Variants in TPRG1 observed in about 807,000 individuals in gnomAD.
TPRG1 encodes the protein tumor protein p63-regulated gene 1 protein.
A neutral mutation model predicts 29.3 loss-of-function variants in TPRG1; 29 were observed. The ratio of observed to expected loss-of-function variants is 0.99; its 90% CI spans 0.74 to 1.35. TPRG1 has a LOEUF of 1.35. TPRG1 is among the 40% of genes most tolerant of loss of function. The pLI is 0.00. For synonymous variants in TPRG1, 130 were observed against 116.8 expected (o/e 1.11, Z -0.73); for missense variants, 327 against 335.0 (o/e 0.98, Z 0.19).
upstream of TPRG1, among the ~76,000 whole-genome samples, chr3:189,099,929 A>G (rs1194297955): frequency 3.3e-5 from 5 of 152,268 alleles, no homozygotes; most frequent in African/African-American, 9.6e-5. Flanking sequence ...CCAGTGATGG[A>G]CACCTGTCTT....
At chr3:189,101,468 C>T (rs1243614465) in intron 1 of TPRG1, among the ~76,000 whole-genome samples, 3 of 152,144 alleles carry the variant, frequency 2.0e-5, no homozygotes, top group South Asian at 4.1e-4. Flanking sequence ...ACTCACCCCC[C>T]ACTGTCAACC....
intron 1 of TPRG1, among the ~76,000 whole-genome samples, chr3:189,182,447 A>T (rs942042521): frequency 6.6e-6 from 1 of 152,252 alleles, no homozygotes; most frequent in African/African-American, 2.4e-5. Context: ...CAGTTAATTT[A>T]GGATTAAATT....
intron 3 of TPRG1, among the ~76,000 whole-genome samples, chr3:189,221,600 C>A (rs1394629874): frequency 6.6e-6 from 1 of 152,172 alleles, no homozygotes; most frequent in Non-Finnish European, 1.5e-5. Context: ...TAGAAAGATT[C>A]TGCAGAAGAA....
intron 4 of TPRG1, among the ~76,000 whole-genome samples, chr3:189,307,690 C>A (rs1430175289): frequency 2.0e-5 from 3 of 152,248 alleles, no homozygotes; most frequent in African/African-American, 7.2e-5. Context: ...CAGTTCATCC[C>A]TGTCTTGTAG....
At chr3:189,195,396 C>T (rs1732370266) in intron 1 of TPRG1, among the ~76,000 whole-genome samples, 2 of 152,018 alleles carry the variant, frequency 1.3e-5, no homozygotes, top group African/African-American at 2.4e-5. Context: ...CACCTCTGCT[C>T]GACTCAACAG....
intron 3 of TPRG1, among the ~76,000 whole-genome samples, chr3:189,228,462 G>T (rs1578926348): frequency 6.6e-6 from 1 of 152,084 alleles, no homozygotes; most frequent in South Asian, 2.1e-4. Flanking sequence ...ATGCAAGGCA[G>T]GTTCAATTTG....
chr3:189,184,754 GTTC>G (rs1324249830), intron 1 of TPRG1, among the ~76,000 whole-genome samples: 5 of 152,166 alleles, frequency 3.3e-5, no homozygotes, highest in Non-Finnish European at 5.9e-5. Flanking sequence ...TTACCTCTAT[GTTC>G]TTCTTATTCC....
At chr3:189,299,058 T>G (rs1043052372) in intron 4 of TPRG1, among the ~76,000 whole-genome samples, 2 of 110,316 alleles carry the variant, frequency 1.8e-5, no homozygotes, top group African/African-American at 5.2e-5. Context: ...AAAAATGGGT[T>G]TTTTTTTTTT....
chr3:189,144,715 A>G (rs1347128282), intron 3 of TPRG1, among the ~76,000 whole-genome samples: 1 of 135,754 alleles, frequency 7.4e-6, no homozygotes, highest in Non-Finnish European at 1.6e-5. Flanking sequence ...AAGAAAAGAC[A>G]CTGATCACTA....
chr3:189,155,393 T>A (rs1300965779), intron 5 of TPRG1, among the ~76,000 whole-genome samples: 1 of 152,194 alleles, frequency 6.6e-6, no homozygotes, highest in East Asian at 1.9e-4. Context: ...CCCTCTAACA[T>A]GTCTGTGTCC....
At chr3:189,065,901 A>T (rs1716408711) in intron 4 of TPRG1, among the ~76,000 whole-genome samples, 1 of 152,204 alleles carries the variant, frequency 6.6e-6, no homozygotes, top group Non-Finnish European at 1.5e-5. Flanking sequence ...CTTAATAAAA[A>T]TCCCAAGGAA....
chr3:189,044,554 T>C (rs1215946997), intron 4 of TPRG1, among the ~76,000 whole-genome samples: 3 of 139,372 alleles, frequency 2.2e-5, no homozygotes, highest in Admixed American at 7.0e-5. Context: ...AAACTCCGTC[T>C]CAAAAAAAAA....
chr3:189,289,138 T>G (rs966880497), intron 4 of TPRG1, among the ~76,000 whole-genome samples: 1 of 152,222 alleles, frequency 6.6e-6, no homozygotes, highest in African/African-American at 2.4e-5. Flanking sequence ...TGTCTCCACC[T>G]GTATACCCCA....
chr3:189,104,347 C>G (rs1201342944), intron 1 of TPRG1, among the ~76,000 whole-genome samples: 1 of 152,086 alleles, frequency 6.6e-6, no homozygotes, highest in Non-Finnish European at 1.5e-5. Context: ...AATATCCTAG[C>G]ACTCATCTGG....
At chr3:189,109,319 T>A (rs766312061) in intron 1 of TPRG1, among the ~76,000 whole-genome samples, 1 of 152,190 alleles carries the variant, frequency 6.6e-6, no homozygotes, top group African/African-American at 2.4e-5. Flanking sequence ...CGGTGTTAAT[T>A]GACACACAGT....
chr3:189,268,064 AG>A (rs1216262172), intron 4 of TPRG1, among the ~76,000 whole-genome samples: 2 of 152,190 alleles, frequency 1.3e-5, no homozygotes, highest in African/African-American at 2.4e-5. Flanking sequence ...AATGGAGGGA[AG>A]TCACTTGGAT....
intron 4 of TPRG1, among the ~76,000 whole-genome samples, chr3:189,042,062 TAAAC>T (rs1714665875): frequency 6.6e-6 from 1 of 152,152 alleles, no homozygotes; most frequent in South Asian, 2.1e-4. Flanking sequence ...GGGAGCTCTG[TAAAC>T]ACATGTTGAT....
intron 1 of TPRG1, among the ~76,000 whole-genome samples, chr3:189,200,122 C>T (rs16864080): frequency 0.12 from 17,817 of 152,180 alleles, 1,282 homozygotes; most frequent in African/African-American, 0.19. Context: ...GCTGCTGAGT[C>T]GAAGCACTTT....
At chr3:189,156,653 A>G (rs1726726673) in intron 5 of TPRG1, among the ~76,000 whole-genome samples, 1 of 152,166 alleles carries the variant, frequency 6.6e-6, no homozygotes, top group Admixed American at 6.5e-5. Flanking sequence ...TGGGAGATGC[A>G]CCAGCTTAGC....
Sources: gnomAD v4.1 joint callset for allele counts (sites outside exome capture counted in the v4.1 genomes callset) on GRCh38, gnomAD v4.1.1 for gene constraint, MANE v1.5 for transcripts, NCBI Gene and HGNC (gene_info 2026-07-23, HGNC 2026-07-21) for gene names.